The following VPS13B variants were observed in gnomAD, a reference collection of about 807,000 sequenced individuals.
VPS13B encodes intermembrane lipid transfer protein VPS13B.
VPS13B carries 285 observed loss-of-function variants against 426.4 expected under a neutral mutation model. The observed-to-expected ratio is 0.67, with a 90% CI of 0.61 to 0.74. VPS13B has a LOEUF of 0.74. VPS13B is among the 30% of genes least tolerant of loss of function. VPS13B has a pLI of 0.00. For missense variants in VPS13B, 4,537 were observed against 4,782.6 expected (o/e 0.95, Z 1.51); for synonymous variants, 1,676 against 1,676.4 (o/e 1.00, Z 0.01).
intron 28 of VPS13B, among the ~76,000 whole-genome samples, chr8:99,508,075 C>G (rs887316186): frequency 2.0e-5 from 3 of 152,174 alleles, no homozygotes; most frequent in African/African-American, 7.2e-5. Flanking sequence ...TGCTTTTCCA[C>G]TAAAACCTGT....
Position 99,384,298 on chromosome 8 carries a change from C to T in VPS13B, c.2915C>T (p.Thr972Ile), listed in dbSNP as rs1299204511. The T allele has an allele frequency of 2.5e-6, 4 of 1,613,464 alleles. No homozygotes were observed. The highest frequency in any genetic ancestry group is 2.2e-5 in the East Asian group (1 of 44,860). ...TWLIYQPQKR[T>I]SRHMQQQPVV... The stretch of plus-strand genomic sequence containing the variant: ...CTCATCTATCAGCCTCAGAAACGAA[C>T]AAGTAGACATATGCAACAGGTAAGA... Residue 972 changes from threonine (T) to isoleucine (I), a missense_variant, in exon 20 of 62, where the codon ACA (threonine) becomes ATA (isoleucine). By Grantham distance (89) the Thr-to-Ile change is moderately conservative. Transcript: ENST00000357162.
intron 33 of VPS13B, among the ~76,000 whole-genome samples, chr8:99,619,663 G>A (rs75467778): frequency 0.024 from 3,594 of 152,156 alleles, 355 homozygotes; most frequent in East Asian, 0.17. Context: ...CTTAAGTTCC[G>A]GAGTTTGAGA....
chr8:99,870,176 AC>A (rs1238683968), intron 59 of VPS13B, among the ~76,000 whole-genome samples: 5 of 151,790 alleles, frequency 3.3e-5, no homozygotes, highest in African/African-American at 1.2e-4. Context: ...AACAATCTAG[AC>A]TTTTTTTTTT....
intron 5 of VPS13B, among the ~76,000 whole-genome samples, chr8:99,107,091 G>C (rs1484077840): frequency 6.6e-6 from 1 of 152,154 alleles, no homozygotes; most frequent in African/African-American, 2.4e-5. Context: ...AAGCTTCAGA[G>C]ATACTGACAA....
chr8:99,575,526 G>A (rs1825734885), intron 31 of VPS13B, 132 bp from the exon 32 acceptor site: 2 of 1,053,906 alleles, frequency 1.9e-6, no homozygotes, highest in Non-Finnish European at 2.8e-6. Context: ...TGTAAAATAT[G>A]CAAATAGGCA....
At chr8:99,714,966 A>G (rs1014784848) in intron 36 of VPS13B, among the ~76,000 whole-genome samples, 3 of 152,144 alleles carry the variant, frequency 2.0e-5, no homozygotes, top group Admixed American at 2.0e-4. Flanking sequence ...GTATTATATC[A>G]ATGTGGATTT....
intron 35 of VPS13B, chr8:99,696,289 C>A: frequency 4.4e-6 from 1 of 225,568 alleles, no homozygotes. Context: ...TGTACACCCC[C>A]ACCCCACAGA....
At chr8:99,859,941 G>A (rs553015048) in intron 57 of VPS13B, among the ~76,000 whole-genome samples, 24 of 152,266 alleles carry the variant, frequency 1.6e-4, no homozygotes, top group African/African-American at 5.8e-4. Flanking sequence ...TCTCTAGCAC[G>A]CCACGTAAAC....
At position 99,661,423 on chromosome 8, in the gene VPS13B, T is replaced by C. The variant is rs1426789840; in HGVS notation, c.5978T>C (p.Ile1993Thr). 4 of 1,613,694 alleles carry C rather than the reference T, an allele frequency of 2.5e-6. No individual in the cohort carries two copies. The highest frequency in any genetic ancestry group is 3.4e-6 in the Non-Finnish European group (4 of 1,179,828). Reference sequence around the variant, plus strand: ...TGGCTACAGACAGTGCCTGGAGAAATAGACAGCAAAAGTGGTATTCCACCT... The same window carrying C: ...TGGCTACAGACAGTGCCTGGAGAAACAGACAGCAAAAGTGGTATTCCACCT... The part of the protein sequence containing the change: ...TVWLQTVPGE[I>T]DSKSGIPPSF... Residue 1993 changes from isoleucine to threonine, a missense_variant, in exon 35 of 62, where the codon ATA becomes ACA. Ile to Thr is a moderately conservative substitution (Grantham distance 89, BLOSUM62 -1). Transcript: ENST00000357162.
intron 39 of VPS13B, among the ~76,000 whole-genome samples, chr8:99,739,135 C>T (rs1195856210): frequency 2.0e-5 from 3 of 152,240 alleles, no homozygotes; most frequent in East Asian, 1.9e-4. Flanking sequence ...TAATACTGTG[C>T]TTTTCCAATG....
At chr8:99,357,863 A>G (rs145905697) in intron 19 of VPS13B, among the ~76,000 whole-genome samples, 8 of 152,324 alleles carry the variant, frequency 5.3e-5, no homozygotes, top group African/African-American at 1.7e-4. Flanking sequence ...TAGTTAAATT[A>G]TTTTATGGCA....
At chr8:99,528,488 A>G (rs1229314751) in intron 30 of VPS13B, among the ~76,000 whole-genome samples, 2 of 152,082 alleles carry the variant, frequency 1.3e-5, no homozygotes, top group Non-Finnish European at 2.9e-5. Context: ...GACTTCAACC[A>G]CATTATCTTA....
chr8:99,840,125 G>T (rs1815606642), intron 54 of VPS13B, among the ~76,000 whole-genome samples: 1 of 152,192 alleles, frequency 6.6e-6, no homozygotes, highest in Admixed American at 6.5e-5. Context: ...AAATCTGGCA[G>T]CCGGAATTAC....
chr8:99,585,919 T>G (rs1240071510), intron 33 of VPS13B, among the ~76,000 whole-genome samples: 1 of 152,192 alleles, frequency 6.6e-6, no homozygotes, highest in African/African-American at 2.4e-5. Flanking sequence ...TCTTACAGAA[T>G]GAGAGACTCT....
At chr8:99,134,119 G>A (rs1444852075) in intron 8 of VPS13B, among the ~76,000 whole-genome samples, 3 of 152,184 alleles carry the variant, frequency 2.0e-5, no homozygotes, top group African/African-American at 7.2e-5. Flanking sequence ...ATGAGATTTA[G>A]TAGGAAACAT....
rs767423737 is a variant in VPS13B, at chr8:99,848,856, A to G, written c.10023A>G (p.Pro3341=). 12 of 1,614,192 alleles carry G rather than the reference A, an allele frequency of 7.4e-6. No homozygotes were observed. Among genetic ancestry groups the G allele is most frequent in the African/African-American group, 1.3e-5 (1 of 75,060 alleles). The change falls in exon 55 of 62, where the codon CCA becomes CCG. Residue 3341 remains proline (P), a synonymous_variant. Transcript: ENST00000357162. ...QCGTVFITVA[P]EGKAGPILTN... is the part of the protein sequence containing the mutation. Reference sequence around the variant, plus strand: ...GCACAGTCTTCATCACTGTGGCCCCAGAAGGAAAAGCAGGACCTATTTTAA... The same window carrying G: ...GCACAGTCTTCATCACTGTGGCCCCGGAAGGAAAAGCAGGACCTATTTTAA...
intron 19 of VPS13B, among the ~76,000 whole-genome samples, chr8:99,285,553 T>C (rs764679581): frequency 6.6e-6 from 1 of 152,168 alleles, no homozygotes; most frequent in Non-Finnish European, 1.5e-5. Flanking sequence ...AAGTATGTTT[T>C]ATATGGATCA....
At chr8:99,781,470 A>G (rs889584015) in intron 42 of VPS13B, among the ~76,000 whole-genome samples, 5 of 152,204 alleles carry the variant, frequency 3.3e-5, no homozygotes, top group East Asian at 1.9e-4. Flanking sequence ...CTGAGGCTCA[A>G]CATCTATGAT....
chr8:99,597,375 C>T (rs1369626437), intron 33 of VPS13B, among the ~76,000 whole-genome samples: 1 of 151,984 alleles, frequency 6.6e-6, no homozygotes, highest in Non-Finnish European at 1.5e-5. Flanking sequence ...ATTGTTCATG[C>T]TCCATCCTTC....
Sources: gnomAD v4.1 joint callset for allele counts (sites outside exome capture counted in the v4.1 genomes callset) on GRCh38, gnomAD v4.1.1 for gene constraint, MANE v1.5 for transcripts, NCBI Gene and HGNC (gene_info 2026-07-23, HGNC 2026-07-21) for gene names.